Variants in ZBTB10 observed in about 807,000 individuals in gnomAD.
ZBTB10 encodes zinc finger and BTB domain containing 10, also known as zinc finger and BTB domain-containing protein 10.
A neutral mutation model predicts 76.4 loss-of-function variants in ZBTB10; 32 were observed. The ratio of observed to expected loss-of-function variants is 0.42; its 90% CI spans 0.32 to 0.56. ZBTB10 has a LOEUF of 0.56. Ranked by LOEUF, ZBTB10 falls within the 20% of genes least tolerant of loss-of-function variation. The pLI is 0.14. For missense variants in ZBTB10, 1,057 were observed against 1,098.5 expected, an observed-to-expected ratio of 0.96 and a Z score of 0.53; for synonymous variants, 523 against 432.9, an observed-to-expected ratio of 1.21 and a Z score of -2.58.
Position 80,492,625 on chromosome 8 carries a change from C to CA in ZBTB10, c.972+4844dup, listed in dbSNP as rs1815659621. 1.6e-4 allele frequency among the ~76,000 whole-genome samples: 25 copies of CA among 152,112 alleles called. No homozygotes were observed. In the South Asian group the frequency reaches 5.2e-3, roughly 32 times the overall value. ...TCCTGATTAGCTGGGACTACAGGCA[C>CA]ATGCCACCATGCTAGGCTAATTTTT... is the stretch of plus-strand genomic sequence containing the variant. On this transcript the variant is annotated intron_variant, in intron 1 of 5. Transcript: ENST00000455036.
At chr8:80,497,592 T>C (rs1051453628) in intron 1 of ZBTB10, among the ~76,000 whole-genome samples, 24 of 152,080 alleles carry the variant, frequency 1.6e-4, no homozygotes, top group African/African-American at 5.8e-4. Context: ...CTTTGTGTGC[T>C]TCATTCTGTA....
intron 2 of ZBTB10, among the ~76,000 whole-genome samples, chr8:80,507,303 T>C (rs929817306): frequency 1.3e-4 from 18 of 140,274 alleles, no homozygotes; most frequent in African/African-American, 4.9e-4. Flanking sequence ...CGAGACTCAG[T>C]CTCAAAAGAA....
chr8:80,513,616 C>T (rs1405636942), intron 2 of ZBTB10, among the ~76,000 whole-genome samples: 3 of 152,118 alleles, frequency 2.0e-5, no homozygotes, highest in Non-Finnish European at 2.9e-5. Context: ...ATCACATCTA[C>T]GATATAGGTG....
At chr8:80,497,231 T>G (rs1288659359) in intron 1 of ZBTB10, among the ~76,000 whole-genome samples, 1 of 152,188 alleles carries the variant, frequency 6.6e-6, no homozygotes, top group African/African-American at 2.4e-5. Flanking sequence ...TTTTTTTCTT[T>G]TAACCAAATA....
chr8:80,508,314 G>T (rs565299312), intron 2 of ZBTB10, among the ~76,000 whole-genome samples: 12 of 152,282 alleles, frequency 7.9e-5, no homozygotes, highest in Admixed American at 6.5e-4. Context: ...ATATAGTAGG[G>T]TGACCAGATA....
rs550655897 is a variant in ZBTB10 at position 80,523,897 on chromosome 8, T to G, written c.*4369T>G. ...TGTTTGTAAAAGCTCTTTGGGAAGA[T>G]CTTTTACGAAGACCAACTTTTTAAA... On this transcript the variant is annotated 3_prime_UTR_variant, in exon 6 of 6. Coordinates refer to ENST00000455036, the MANE Select transcript of ZBTB10 (RefSeq NM_001105539.3). The G allele has an allele frequency of 3.5e-4, 53 of 152,140 alleles. No homozygotes were observed. The highest frequency in any genetic ancestry group is 1.2e-3 in the African/African-American group (51 of 41,552). The allele number at this position is 152,140 out of a possible 1,614,324, so 9.4% of individuals were successfully genotyped here.
At position 80,486,708 on chromosome 8, in the gene ZBTB10, G is replaced by A; in HGVS notation, c.-103G>A. ...GAGCCCCGCGAGACCGGAACGCCGG[G>A]GGCGGGGGCGAGACAGAGGGGGAGC... On this transcript the variant is annotated 5_prime_UTR_variant, in exon 1 of 6. Transcript: ENST00000455036. The A allele has an allele frequency of 1.0e-6, 1 of 997,964 alleles. No individual in the cohort carries two copies. The highest frequency in any genetic ancestry group is 1.2e-6 in the Non-Finnish European group (1 of 838,796). The allele number at this position is 997,964 out of a possible 1,614,324, so 61.8% of individuals were successfully genotyped here. A position where few individuals can be genotyped will look rare whatever the true frequency, so the allele number is the denominator to read the frequency against.
At position 80,486,501 on chromosome 8, in the gene ZBTB10, T is replaced by G. The variant is rs141666381; in HGVS notation, c.-310T>G. ...AAGGCCTCGCTCGCTGCAGGCTCGC[T>G]CCTCACCTCTCCGCCGCCCGCCCCC... On this transcript the variant is annotated 5_prime_UTR_variant, in exon 1 of 6. Coordinates refer to ENST00000455036, the MANE Select transcript of ZBTB10 (RefSeq NM_001105539.3). The G allele has an allele frequency of 1.0e-6, 1 of 985,036 alleles. No individual in the cohort carries two copies. Among genetic ancestry groups the G allele is most frequent in the Non-Finnish European group, 1.2e-6 (1 of 829,994 alleles). 61.0% of individuals were successfully genotyped at this position (985,036 alleles called of 1,614,324 possible).
intron 1 of ZBTB10, among the ~76,000 whole-genome samples, chr8:80,497,117 A>G (rs957106835): frequency 6.6e-6 from 1 of 152,192 alleles, no homozygotes; most frequent in African/African-American, 2.4e-5. Context: ...TGTCCAAGTA[A>G]TTGTTACAGG....
chr8:80,519,651 A>T lies in ZBTB10; in HGVS notation c.*123A>T, dbSNP rs2131521201. 4 of 1,180,502 alleles carry T rather than the reference A, an allele frequency of 3.4e-6. No individual in the cohort carries two copies. The highest frequency in any genetic ancestry group is 4.6e-6 in the Non-Finnish European group (4 of 862,128). 73.1% of individuals were successfully genotyped at this position (1,180,502 alleles called of 1,614,324 possible). A position where few individuals can be genotyped will look rare whatever the true frequency, so the allele number is the denominator to read the frequency against. On this transcript the variant is annotated 3_prime_UTR_variant, in exon 6 of 6. Transcript: ENST00000455036. ...CTGGATAGTAGTTATGTTGCTGTGAAAACTGTAGGGTCAAAGCCTTATAGC... is the reference window on the plus strand; with the variant it reads ...CTGGATAGTAGTTATGTTGCTGTGATAACTGTAGGGTCAAAGCCTTATAGC...
In ZBTB10 at chr8:80,520,570, G is replaced by C. The variant is rs78450036; in HGVS notation, c.*1042G>C. The stretch of plus-strand genomic sequence containing the variant: ...TAAGTGAAATATCAGGTTTTTACCC[G>C]TGTCCCTTTTATCATGAAAATTAAC... On this transcript the variant is annotated 3_prime_UTR_variant, in exon 6 of 6. Coordinates refer to ENST00000455036, the MANE Select transcript of ZBTB10 (RefSeq NM_001105539.3). The C allele has an allele frequency of 6.6e-6, 1 of 152,298 alleles. No individual in the cohort carries two copies. The highest frequency in any genetic ancestry group is 1.5e-5 in the Non-Finnish European group (1 of 67,896). 9.4% of individuals were successfully genotyped at this position (152,298 alleles called of 1,614,324 possible).
intron 3 of ZBTB10, among the ~76,000 whole-genome samples, chr8:80,517,416 A>G (rs1371198449): frequency 6.6e-6 from 1 of 152,178 alleles, no homozygotes; most frequent in Non-Finnish European, 1.5e-5. Context: ...AATCCAGTGG[A>G]TATAATTCCT....
In ZBTB10 at chr8:80,487,385, G is replaced by A; in HGVS notation, c.575G>A (p.Ser192Asn). ...ACCGAGGACGAGGAGGAGGGGGCGAGCCTGGGCGACGGCAGCGGGGCGGAA... is the reference window on the plus strand; with the variant it reads ...ACCGAGGACGAGGAGGAGGGGGCGAACCTGGGCGACGGCAGCGGGGCGGAA... ...DSTEDEEEGA[S>N]LGDGSGAEGG... Residue 192 changes from serine (S) to asparagine (N), a missense_variant, in exon 1 of 6, where the codon AGC becomes AAC. Transcript: ENST00000455036. 6.5e-7 allele frequency: 1 copy of A among 1,532,804 alleles called. No individual in the cohort carries two copies. Among genetic ancestry groups the A allele is most frequent in the Non-Finnish European group, 8.8e-7 (1 of 1,137,186 alleles). 95.0% of individuals were successfully genotyped at this position (1,532,804 alleles called of 1,614,324 possible).
chr8:80,515,553 C>T (rs1424221593), intron 3 of ZBTB10, among the ~76,000 whole-genome samples: 1 of 152,124 alleles, frequency 6.6e-6, no homozygotes, highest in Non-Finnish European at 1.5e-5. Context: ...AGTTGCTAAC[C>T]GCGCAAGAAG....
At position 80,499,592 on chromosome 8, in the gene ZBTB10, G is replaced by A; in HGVS notation, c.1071G>A (p.Gln357=). Residue 357 remains glutamine (Q), a synonymous_variant, in exon 2 of 6, where the codon CAG becomes CAA. Coordinates refer to ENST00000455036, the MANE Select transcript of ZBTB10 (RefSeq NM_001105539.3). ...AACTTCTGCGACAACTAAATGAACA[G>A]AGAAAGAAAGGTATTCTTTGTGATG... is the stretch of plus-strand genomic sequence containing the variant. ...CYQLLRQLNE[Q]RKKGILCDVS... 6.2e-7 allele frequency: 1 copy of A among 1,613,926 alleles called. No homozygotes were observed. The highest frequency in any genetic ancestry group is 8.5e-7 in the Non-Finnish European group (1 of 1,179,846).
intron 2 of ZBTB10, 106 bp downstream of exon 2, chr8:80,500,488 T>A: frequency 8.6e-7 from 1 of 1,158,910 alleles, no homozygotes; most frequent in Non-Finnish European, 1.2e-6. Context: ...AAAGTAATAC[T>A]AAAGTTGTTT....
At chr8:80,509,325 T>C (rs1816135231) in intron 2 of ZBTB10, among the ~76,000 whole-genome samples, 1 of 152,218 alleles carries the variant, frequency 6.6e-6, no homozygotes, top group African/African-American at 2.4e-5. Context: ...TGAGTTTTTA[T>C]ACAACTTGTT....
chr8:80,498,759 G>A (rs539503151), intron 1 of ZBTB10, among the ~76,000 whole-genome samples: 1 of 152,184 alleles, frequency 6.6e-6, no homozygotes, highest in Non-Finnish European at 1.5e-5. Context: ...GTGACGCCAA[G>A]TAGAACTATA....
In ZBTB10 at chr8:80,523,959, A is replaced by C. The variant is rs1036425355; in HGVS notation, c.*4431A>C. The C allele has an allele frequency of 6.6e-6, 1 of 152,054 alleles. No individual in the cohort carries two copies. Among genetic ancestry groups the C allele is most frequent in the African/African-American group, 2.4e-5 (1 of 41,442 alleles). 9.4% of individuals were successfully genotyped at this position (152,054 alleles called of 1,614,324 possible). ...CTACCTAATATAAGTGTCCTAAGAC[A>C]TGTATGTAAACTTCCGGAACTGTTT... On this transcript the variant is annotated 3_prime_UTR_variant, in exon 6 of 6. Coordinates refer to ENST00000455036, the MANE Select transcript of ZBTB10 (RefSeq NM_001105539.3).
Sources: allele counts gnomAD v4.1 joint callset (sites outside exome capture counted in the v4.1 genomes callset), GRCh38; gene constraint gnomAD v4.1.1; transcripts MANE v1.5; gene names NCBI Gene and HGNC (gene_info 2026-07-23, HGNC 2026-07-21).